SEC14L6: variants seen among roughly 807,000 people sequenced by gnomAD.
SEC14L6 encodes SEC14 like lipid binding 6.
SEC14L6 carries 40 observed loss-of-function variants against 54.1 expected under a neutral mutation model. The observed-to-expected ratio is 0.74, with a 90% CI of 0.57 to 0.96. The LOEUF is 0.96. Ranked by LOEUF, SEC14L6 falls within the 40% of genes least tolerant of loss-of-function variation. The pLI is 0.00. For synonymous variants in SEC14L6, 171 were observed against 198.4 expected (o/e 0.86, Z 1.16); for missense variants, 471 against 498.3 (o/e 0.95, Z 0.52).
In SEC14L6 at chr22:30,538,871, G is replaced by T; in HGVS notation, c.86C>A (p.Ala29Glu). 1.9e-6 allele frequency: 3 copies of T among 1,556,616 alleles called. No individual in the cohort carries two copies. The highest frequency in any genetic ancestry group is 2.6e-6 in the Non-Finnish European group (3 of 1,149,546). ...FRENIQDVLS[A>E]LPNPDDYFLL... The stretch of plus-strand genomic sequence containing the variant: ...GAAGTAGTCATCAGGATTGGGCAGC[G>T]CAGATAGCACATCTTGGATGTTCTC... The change falls in exon 2 of 12, where the codon GCG becomes GAG. Residue 29 changes from alanine (A) to glutamate (E), a missense_variant. Transcript: ENST00000402034.
At chr22:30,525,975 C>T (rs1222267778) in intron 8 of SEC14L6, 43 bp from the exon 9 acceptor site, 1 of 1,559,910 alleles carries the variant, frequency 6.4e-7, no homozygotes, top group East Asian at 2.4e-5. Flanking sequence ...ACTCAGGAGA[C>T]TCAACAGAGG....
At chr22:30,539,265 T>C (rs937210110) in intron 1 of SEC14L6, among the ~76,000 whole-genome samples, 1 of 152,024 alleles carries the variant, frequency 6.6e-6, no homozygotes, top group East Asian at 1.9e-4. Flanking sequence ...TAATCCCAGC[T>C]ACTCAGGAGG....
chr22:30,525,897 G>T lies in SEC14L6; in HGVS notation c.700C>A (p.Pro234Thr). Reference sequence around the variant, plus strand: ...CCAAACTCCACGGGCAGCTGGTCGGGGCTGATGAATTTTGTCAGCTCCTGC... The same window carrying T: ...CCAAACTCCACGGGCAGCTGGTCGGTGCTGATGAATTTTGTCAGCTCCTGC... ...WKQELTKFIS[P>T]DQLPVEFGGT... Residue 234 changes from proline (P) to threonine (T), a missense_variant, in exon 9 of 12, where the codon CCC (proline) becomes ACC (threonine). Physicochemically the swap from Pro to Thr is conservative, Grantham distance 38. Transcript: ENST00000402034. 6.2e-7 allele frequency: 1 copy of T among 1,613,030 alleles called. No individual in the cohort carries two copies. The highest frequency in any genetic ancestry group is 1.1e-5 in the South Asian group (1 of 90,872).
intron 1 of SEC14L6, chr22:30,542,818 AAAG>A: frequency 6.3e-7 from 1 of 1,595,498 alleles, no homozygotes; most frequent in Non-Finnish European, 8.6e-7. Flanking sequence ...CTACCATCAA[AAAG>A]AAGGCCACTT....
At chr22:30,535,892 T>G (rs1361490064) in intron 2 of SEC14L6, among the ~76,000 whole-genome samples, 4 of 144,670 alleles carry the variant, frequency 2.8e-5, no homozygotes, top group South Asian at 2.2e-4. Context: ...TTTGTGTTTT[T>G]TTTTTTTTTT....
chr22:30,542,408 G>T, intron 1 of SEC14L6: 1 of 421,710 alleles, frequency 2.4e-6, no homozygotes, highest in Non-Finnish European at 4.1e-6. Context: ...AGGGGAGGTC[G>T]GCCGCAACTT....
chr22:30,540,316 T>C (rs2085676151), intron 1 of SEC14L6, among the ~76,000 whole-genome samples: 1 of 151,854 alleles, frequency 6.6e-6, no homozygotes, highest in Admixed American at 6.6e-5. Context: ...ATCTCAGGTC[T>C]AAGCAGAATG....
intron 2 of SEC14L6, among the ~76,000 whole-genome samples, chr22:30,534,958 G>C (rs988698417): frequency 1.3e-5 from 2 of 151,958 alleles, no homozygotes; most frequent in Non-Finnish European, 2.9e-5. Flanking sequence ...CCAGGAGGTG[G>C]AGGTTGCAGT....
chr22:30,544,409 A>T (rs957815792), intron 1 of SEC14L6: 2 of 191,842 alleles, frequency 1.0e-5, no homozygotes, highest in Non-Finnish European at 1.1e-5. Flanking sequence ...ACCCTTGACT[A>T]CCTCCCCGAT....
chr22:30,543,093 C>T (rs1601904395), intron 1 of SEC14L6: 1 of 1,601,170 alleles, frequency 6.2e-7, no homozygotes. Context: ...CTCATGGCTT[C>T]TCACCCAGAG....
chr22:30,532,457 T>C (rs907919937), intron 5 of SEC14L6, 68 bp downstream of exon 5: 15 of 1,450,664 alleles, frequency 1.0e-5, no homozygotes, highest in Non-Finnish European at 1.4e-5. Flanking sequence ...AGGCAGATTC[T>C]GGGTGTGAGG....
intron 3 of SEC14L6, among the ~76,000 whole-genome samples, chr22:30,533,460 G>C (rs529699045): frequency 6.6e-6 from 1 of 152,284 alleles, no homozygotes; most frequent in African/African-American, 2.4e-5. Flanking sequence ...AATTAGCTGG[G>C]TGTGGTAGTG....
At chr22:30,529,742 C>T (rs930126162) in intron 6 of SEC14L6, among the ~76,000 whole-genome samples, 2 of 152,140 alleles carry the variant, frequency 1.3e-5, no homozygotes, top group African/African-American at 4.8e-5. Context: ...CCGCACCTGG[C>T]CTAGTGCCGA....
intron 1 of SEC14L6, among the ~76,000 whole-genome samples, chr22:30,539,438 G>C (rs909578935): frequency 3.3e-5 from 5 of 152,166 alleles, no homozygotes; most frequent in African/African-American, 1.2e-4. Context: ...TAAACACAGA[G>C]AAGCTTTACA....
In SEC14L6 at chr22:30,539,576, G is replaced by A. The variant is rs181072798; in HGVS notation, c.55-674C>T. Among the ~76,000 whole-genome samples the A allele has an allele frequency of 2.6e-5, 4 of 152,332 alleles. No homozygotes were observed. The East Asian group carries it at 7.7e-4, about 29-fold the overall frequency. On this transcript the variant is annotated intron_variant, in intron 1 of 11. Coordinates refer to ENST00000402034, the MANE Select transcript of SEC14L6 (RefSeq NM_001193336.4). ...ACAGAGTCTGAGGCTCAGAGAGGTT[G>A]AGCAACTTGCCTAGTGTCACACAGC...
At chr22:30,527,862 C>A (rs1936828484) in intron 8 of SEC14L6, among the ~76,000 whole-genome samples, 1 of 151,336 alleles carries the variant, frequency 6.6e-6, no homozygotes, top group Non-Finnish European at 1.5e-5. Flanking sequence ...TCATTTGTTC[C>A]TAATAATAAA....
chr22:30,530,110 T>A (rs532967021), intron 6 of SEC14L6, among the ~76,000 whole-genome samples: 50 of 152,056 alleles, frequency 3.3e-4, no homozygotes, highest in Middle Eastern at 6.8e-3. Flanking sequence ...TGGTTTTTTT[T>A]AAAAAAACTG....
intron 8 of SEC14L6, 136 bp downstream of exon 8, chr22:30,528,951 A>G: frequency 1.4e-6 from 1 of 718,726 alleles, no homozygotes; most frequent in South Asian, 1.7e-5. Flanking sequence ...CCCACCTGGC[A>G]GCCCACCAGG....
Position 30,529,355 on chromosome 22 carries a change from G to C in SEC14L6, c.520-6C>G, listed in dbSNP as rs1432292085. 4 of 1,549,984 alleles carry C rather than the reference G, an allele frequency of 2.6e-6. No homozygotes were observed. The highest frequency in any genetic ancestry group is 2.6e-6 in the Non-Finnish European group (3 of 1,146,528). On this transcript the variant is annotated splice_polypyrimidine_tract_variant and splice_region_variant and intron_variant, in intron 6 of 11. Coordinates refer to ENST00000402034, the MANE Select transcript of SEC14L6 (RefSeq NM_001193336.4). ...GCTTCAAGTGCTGAGAAAAACTGCG[G>C]AACCAAGTGGCAGAAGTGATGGGCG...
Sources: allele counts gnomAD v4.1 joint callset (sites outside exome capture counted in the v4.1 genomes callset), GRCh38; gene constraint gnomAD v4.1.1; transcripts MANE v1.5; gene names NCBI Gene and HGNC (gene_info 2026-07-23, HGNC 2026-07-21).